Variants in ARHGAP15 observed in about 807,000 individuals in gnomAD.
ARHGAP15 encodes the protein rho GTPase-activating protein 15.
A neutral mutation model predicts 63.7 loss-of-function variants in ARHGAP15; 51 were observed. The ratio of observed to expected loss-of-function variants is 0.80; its 90% confidence interval spans 0.64 to 1.01. ARHGAP15 has a LOEUF of 1.01. Ranked by LOEUF, ARHGAP15 falls within the 50% of genes least tolerant of loss-of-function variation. The probability of loss-of-function intolerance (pLI) is 0.00; values close to 1 mark genes in which losing one functional copy is unlikely to be tolerated. For synonymous variants in ARHGAP15, 191 were observed against 193.8 expected, an observed-to-expected ratio of 0.99 and a Z score of 0.12; for missense variants, 560 against 564.6, an observed-to-expected ratio of 0.99 and a Z score of 0.08.
At position 143,635,072 on chromosome 2, in the gene ARHGAP15, G is replaced by A. The variant is rs908371238; in HGVS notation, c.1138+10805G>A. On this transcript the variant is annotated intron_variant, in intron 12 of 13. Coordinates refer to ENST00000295095, the MANE Select transcript of ARHGAP15 (RefSeq NM_018460.4). The stretch of plus-strand genomic sequence containing the variant: ...GGGACAGACAGACACACACACACAC[G>A]TTCTCCAAACTGGAAATGTTTCACT... Among the ~76,000 whole-genome samples, 9 of 151,172 alleles carry A rather than the reference G, an allele frequency of 6.0e-5. 1 individual carries two copies. Among genetic ancestry groups the A allele is most frequent in the African/African-American group, 2.2e-4 (9 of 41,086 alleles).
chr2:143,401,219 G>C (rs944822792), intron 6 of ARHGAP15, among the ~76,000 whole-genome samples: 4 of 151,920 alleles, frequency 2.6e-5, no homozygotes, highest in Non-Finnish European at 4.4e-5. Flanking sequence ...AGGTGGGGTA[G>C]GATGAATGGA....
intron 2 of ARHGAP15, among the ~76,000 whole-genome samples, chr2:143,174,297 C>G (rs1690921576): frequency 2.0e-5 from 3 of 152,108 alleles, no homozygotes; most frequent in Admixed American, 6.6e-5. Context: ...CATTAAGACA[C>G]TAATGATCAC....
intron 4 of ARHGAP15, among the ~76,000 whole-genome samples, chr2:143,226,435 G>T (rs1300360985): frequency 6.6e-6 from 1 of 152,148 alleles, no homozygotes; most frequent in Non-Finnish European, 1.5e-5. Flanking sequence ...CGTGTGTGAG[G>T]GTGTTCTGTA....
chr2:143,496,608 T>A (rs532223336), intron 9 of ARHGAP15, among the ~76,000 whole-genome samples: 1 of 152,358 alleles, frequency 6.6e-6, no homozygotes, highest in South Asian at 2.1e-4. Context: ...TGTAACTCAC[T>A]ATACTTTATG....
chr2:143,353,947 G>A (rs1685688371), intron 6 of ARHGAP15, among the ~76,000 whole-genome samples: 1 of 151,836 alleles, frequency 6.6e-6, no homozygotes, highest in South Asian at 2.1e-4. Flanking sequence ...AGATTTTAAG[G>A]CTCTAGAATG....
At chr2:143,604,340 C>A (rs969593621) in intron 11 of ARHGAP15, among the ~76,000 whole-genome samples, 3 of 152,190 alleles carry the variant, frequency 2.0e-5, no homozygotes, top group African/African-American at 7.2e-5. Flanking sequence ...CATGAACCAG[C>A]CTGACTGTGT....
At chr2:143,300,113 T>C (rs986892997) in intron 6 of ARHGAP15, among the ~76,000 whole-genome samples, 2 of 151,976 alleles carry the variant, frequency 1.3e-5, no homozygotes, top group African/African-American at 4.8e-5. Flanking sequence ...ATAAAACCTA[T>C]TCAAAGGGGC....
chr2:143,413,758 G>A (rs1178645184), intron 6 of ARHGAP15, among the ~76,000 whole-genome samples: 4 of 152,080 alleles, frequency 2.6e-5, no homozygotes, highest in African/African-American at 7.2e-5. Context: ...ACAGGCATGA[G>A]CCACTTCAAC....
At chr2:143,186,333 T>C (rs1298811627) in intron 2 of ARHGAP15, among the ~76,000 whole-genome samples, 2 of 152,232 alleles carry the variant, frequency 1.3e-5, no homozygotes, top group Non-Finnish European at 2.9e-5. Context: ...GTTTTCTGTT[T>C]TAAAGTTTAG....
At chr2:143,323,139 T>C (rs1375303921) in intron 6 of ARHGAP15, among the ~76,000 whole-genome samples, 1 of 152,226 alleles carries the variant, frequency 6.6e-6, no homozygotes, top group Non-Finnish European at 1.5e-5. Context: ...ATTTAGAAAA[T>C]GTAGATAAGC....
At chr2:143,325,741 C>T (rs1684220844) in intron 6 of ARHGAP15, among the ~76,000 whole-genome samples, 1 of 152,104 alleles carries the variant, frequency 6.6e-6, no homozygotes, top group South Asian at 2.1e-4. Context: ...CCTCTCTTTC[C>T]ATGGAATGTA....
chr2:143,383,983 T>C (rs1400393319), intron 6 of ARHGAP15, among the ~76,000 whole-genome samples: 1 of 152,120 alleles, frequency 6.6e-6, no homozygotes, highest in Admixed American at 6.6e-5. Flanking sequence ...TGCATGATCT[T>C]CTGGGGCCAC....
At position 143,228,749 on chromosome 2, in the gene ARHGAP15, C is replaced by T. The variant is rs78533642; in HGVS notation, c.384+81C>T. The T allele has an allele frequency of 2.4e-4, 237 of 989,968 alleles. 2 individuals carry two copies. The East Asian group carries it at 6.6e-3, about 27-fold the overall frequency. The allele number at this position is 989,968 out of a possible 1,614,324, so 61.3% of individuals were successfully genotyped here. On this transcript the variant is annotated intron_variant, in intron 5 of 13. Coordinates refer to ENST00000295095, the MANE Select transcript of ARHGAP15 (RefSeq NM_018460.4). Reference sequence around the variant, plus strand: ...AAAAGTTTGGTTTTATCAGAAATCACACTAAAACCTCCAAGCTACCAACAT... The same window carrying T: ...AAAAGTTTGGTTTTATCAGAAATCATACTAAAACCTCCAAGCTACCAACAT...
chr2:143,175,047 A>C (rs1690958808), intron 2 of ARHGAP15, among the ~76,000 whole-genome samples: 1 of 152,176 alleles, frequency 6.6e-6, no homozygotes, highest in Non-Finnish European at 1.5e-5. Context: ...TTCCCAATGA[A>C]CCTGCAGATG....
At chr2:143,529,800 C>A (rs1227230865) in intron 10 of ARHGAP15, among the ~76,000 whole-genome samples, 1 of 152,162 alleles carries the variant, frequency 6.6e-6, no homozygotes, top group African/African-American at 2.4e-5. Context: ...GCCATGATCT[C>A]TTGAACATCA....
At chr2:143,226,622 G>A (rs1321978110) in intron 4 of ARHGAP15, among the ~76,000 whole-genome samples, 1 of 152,122 alleles carries the variant, frequency 6.6e-6, no homozygotes, top group Non-Finnish European at 1.5e-5. Context: ...GGCAAAATGG[G>A]CACTAGGGCA....
intron 9 of ARHGAP15, among the ~76,000 whole-genome samples, chr2:143,497,996 A>G (rs1206978886): frequency 1.3e-5 from 2 of 152,182 alleles, no homozygotes; most frequent in Non-Finnish European, 2.9e-5. Context: ...TTAGACTGCT[A>G]CGAGCAAAGG....
chr2:143,195,191 A>C (rs1459296489), intron 2 of ARHGAP15, among the ~76,000 whole-genome samples: 1 of 152,166 alleles, frequency 6.6e-6, no homozygotes, highest in Non-Finnish European at 1.5e-5. Flanking sequence ...AAACAATCAA[A>C]AGAGGCTTAG....
chr2:143,552,388 C>T (rs1251571606), intron 10 of ARHGAP15, among the ~76,000 whole-genome samples: 2 of 152,162 alleles, frequency 1.3e-5, no homozygotes, highest in Non-Finnish European at 2.9e-5. Context: ...CATATTTTGG[C>T]AGATAAGCCA....
Sources: gnomAD v4.1 joint callset for allele counts (sites outside exome capture counted in the v4.1 genomes callset) on GRCh38, gnomAD v4.1.1 for gene constraint, MANE v1.5 for transcripts, NCBI Gene and HGNC (gene_info 2026-07-23, HGNC 2026-07-21) for gene names.